EVC2: variants seen among roughly 807,000 people sequenced by gnomAD.
The protein encoded by EVC2 is EvC ciliary complex subunit 2.
A neutral mutation model predicts 149.3 loss-of-function variants in EVC2; 148 were observed. The observed-to-expected ratio is 0.99, with a 90% CI of 0.87 to 1.14. The LOEUF (loss-of-function observed/expected upper bound fraction) is 1.14. EVC2 is among the 50% of genes most tolerant of loss of function. The pLI, the probability that EVC2 is intolerant of heterozygous loss-of-function variation, is 0.00. For missense variants in EVC2, 1,854 were observed against 1,627.3 expected (o/e 1.14, Z -2.40); for synonymous variants, 776 against 649.9 (o/e 1.19, Z -2.95).
At chr4:5,604,069 T>C (rs747565428) in intron 16 of EVC2, among the ~76,000 whole-genome samples, 1 of 152,196 alleles carries the variant, frequency 6.6e-6, no homozygotes, top group Non-Finnish European at 1.5e-5. Context: ...GACTCAGTAT[T>C]CTCATCTGTG....
chr4:5,709,471 C>T (rs1320060095), upstream of EVC2: 1 of 152,240 alleles, frequency 6.6e-6, no homozygotes, highest in Non-Finnish European at 1.5e-5. Context: ...CTCCCCATAA[C>T]CCAGACCATC....
chr4:5,653,085 T>C (rs879458439), intron 9 of EVC2, among the ~76,000 whole-genome samples: 2 of 152,190 alleles, frequency 1.3e-5, no homozygotes, highest in Non-Finnish European at 1.5e-5. Flanking sequence ...ATCATTTCAG[T>C]GTGTGCCTCT....
intron 13 of EVC2, among the ~76,000 whole-genome samples, chr4:5,623,229 G>A (rs570954411): frequency 7.0e-4 from 106 of 152,058 alleles, no homozygotes; most frequent in Non-Finnish European, 1.1e-3. Flanking sequence ...TCCACCTCCT[G>A]GGTTCAAGCG....
chr4:5,706,018 C>G (rs1349922803), intron 1 of EVC2, among the ~76,000 whole-genome samples: 1 of 152,154 alleles, frequency 6.6e-6, no homozygotes, highest in Non-Finnish European at 1.5e-5. Flanking sequence ...GTCCCAGCAT[C>G]AGGGGGCCAG....
At chr4:5,643,464 A>C (rs1717487050) in intron 9 of EVC2, among the ~76,000 whole-genome samples, 1 of 152,152 alleles carries the variant, frequency 6.6e-6, no homozygotes, top group Non-Finnish European at 1.5e-5. Context: ...TTGGGTCTTC[A>C]TTTCCTTACG....
rs776093627 is a variant in EVC2, at chr4:5,618,491, G to A, written c.2693C>T (p.Ala898Val). Residue 898 changes from alanine to valine, a missense_variant, in exon 15 of 22, where the codon GCC becomes GTC. By Grantham distance (64) the Ala-to-Val change is moderately conservative. Transcript: ENST00000344408. The surrounding 1 kb of genome is among the most constrained non-coding windows in gnomAD (Gnocchi z 4.4). ...GGTCCATCCTACCTGCAGCTCAGGG[G>A]CAGCCACGGCCTGGTCCAGCTTCAC... ...EFVKLDQAVA[A>V]PELQQQSKVR... is the part of the protein sequence containing the mutation. The A allele has an allele frequency of 6.2e-7, 1 of 1,613,046 alleles. No homozygotes were observed. Among genetic ancestry groups the A allele is most frequent in the Non-Finnish European group, 8.5e-7 (1 of 1,180,034 alleles).
intron 10 of EVC2, among the ~76,000 whole-genome samples, chr4:5,634,634 T>G (rs1716771117): frequency 6.6e-6 from 1 of 152,156 alleles, no homozygotes; most frequent in Non-Finnish European, 1.5e-5. Context: ...AAACACTCTC[T>G]AAAATACATG....
At chr4:5,546,262 T>C (rs111823410) in intron 21 of EVC2, among the ~76,000 whole-genome samples, 280 of 152,266 alleles carry the variant, frequency 1.8e-3, no homozygotes, top group African/African-American at 6.0e-3. Flanking sequence ...GGCACATGCA[T>C]ACGTATGTTT....
At chr4:5,662,475 A>G (rs1200008495) in intron 9 of EVC2, among the ~76,000 whole-genome samples, 2 of 106,124 alleles carry the variant, frequency 1.9e-5, no homozygotes, top group Non-Finnish European at 4.1e-5. Context: ...TATTAATATA[A>G]TATTAAATAT....
chr4:5,596,168 A>T lies in EVC2; in HGVS notation c.2830-11318T>A, dbSNP rs566158699. On this transcript the variant is annotated intron_variant, in intron 16 of 21. Coordinates refer to ENST00000344408, the MANE Select transcript of EVC2 (RefSeq NM_147127.5). Reference sequence around the variant, plus strand: ...AACATTAGACATATCAACAAGACAGAAAGTTAACAAGGATACCCAGGAACT... The same window carrying T: ...AACATTAGACATATCAACAAGACAGTAAGTTAACAAGGATACCCAGGAACT... Among the ~76,000 whole-genome samples, 54 of 152,300 alleles carry T rather than the reference A, an allele frequency of 3.5e-4. 1 individual carries two copies. The highest frequency in any genetic ancestry group is 1.2e-3 in the African/African-American group (50 of 41,562).
intron 16 of EVC2, among the ~76,000 whole-genome samples, chr4:5,591,027 CCT>C (rs1712748686): frequency 6.6e-6 from 1 of 152,120 alleles, no homozygotes; most frequent in Admixed American, 6.5e-5. Flanking sequence ...GATTAAGTTA[CCT>C]CTCACTAGGT....
chr4:5,687,243 A>G (rs752013932), intron 5 of EVC2, among the ~76,000 whole-genome samples: 9 of 152,122 alleles, frequency 5.9e-5, no homozygotes, highest in Non-Finnish European at 1.2e-4. Flanking sequence ...GGCGACAAGC[A>G]TGAAACTCCA....
At chr4:5,650,604 CATATATATATATATATAT>C (rs66673359) in intron 9 of EVC2, among the ~76,000 whole-genome samples, 7 of 53,002 alleles carry the variant, frequency 1.3e-4, no homozygotes, top group East Asian at 8.5e-4. Flanking sequence ...TTTTAATCGC[CATATATATATATATATAT>C]ATATATATAT....
At chr4:5,574,150 G>A (rs1196546738) in intron 19 of EVC2, among the ~76,000 whole-genome samples, 5 of 152,210 alleles carry the variant, frequency 3.3e-5, no homozygotes, top group Non-Finnish European at 7.3e-5. Flanking sequence ...GAAGCCCATC[G>A]CAGGATGCGT....
At chr4:5,541,350 A>G (rs1430261269), downstream of EVC2, among the ~76,000 whole-genome samples, 1 of 152,212 alleles carries the variant, frequency 6.6e-6, no homozygotes, top group Non-Finnish European at 1.5e-5. Flanking sequence ...CATCAGATCA[A>G]TAGGGAGTGC....
intron 16 of EVC2, among the ~76,000 whole-genome samples, chr4:5,599,403 G>C (rs1048929313): frequency 2.0e-5 from 3 of 152,114 alleles, no homozygotes; most frequent in Non-Finnish European, 4.4e-5. Context: ...AAAAAATGAT[G>C]AGTTCATGTC....
chr4:5,571,772 T>A (rs1039978032), intron 19 of EVC2, among the ~76,000 whole-genome samples: 5 of 152,212 alleles, frequency 3.3e-5, no homozygotes, highest in African/African-American at 1.2e-4. Flanking sequence ...CAGTTGAGCA[T>A]TCCTCTTGTT....
chr4:5,695,220 C>A (rs554878483), intron 2 of EVC2, among the ~76,000 whole-genome samples: 1 of 151,828 alleles, frequency 6.6e-6, no homozygotes, highest in African/African-American at 2.4e-5. Context: ...AGGTGGTGTG[C>A]GCCTGTAGTC....
intron 11 of EVC2, 62 bp from the exon 12 acceptor site, chr4:5,628,796 T>C (rs1716322376): frequency 1.3e-6 from 2 of 1,481,682 alleles, no homozygotes; most frequent in African/African-American, 1.4e-5. Context: ...ATAATCTTTC[T>C]AGACATTTAA....
Sources: allele counts gnomAD v4.1 joint callset (sites outside exome capture counted in the v4.1 genomes callset), GRCh38; gene constraint gnomAD v4.1.1; non-coding constraint Gnocchi (gnomAD v3.1); transcripts MANE v1.5; gene names NCBI Gene and HGNC (gene_info 2026-07-23, HGNC 2026-07-21).